The following FGF12 variants were observed in gnomAD, a reference collection of about 807,000 sequenced individuals.
FGF12 encodes the protein fibroblast growth factor 12, also known as fibroblast growth factor 12B.
In FGF12, 14 loss-of-function variants were observed where a neutral mutation model predicts 23.6. The observed-to-expected ratio is 0.59, with a 90% CI of 0.39 to 0.93. The LOEUF (loss-of-function observed/expected upper bound fraction) is 0.93, where lower values mean the gene tolerates loss of function less well. FGF12 is among the 40% of genes least tolerant of loss of function. The pLI is 0.00. For synonymous variants in FGF12, 62 were observed against 77.3 expected (o/e 0.80, Z 1.04); for missense variants, 175 against 217.8 (o/e 0.80, Z 1.24).
At chr3:192,166,658 A>G (rs1177768082) in intron 5 of FGF12, among the ~76,000 whole-genome samples, 1 of 152,238 alleles carries the variant, frequency 6.6e-6, no homozygotes, top group East Asian at 1.9e-4. Flanking sequence ...TACTTCGTAC[A>G]AATGGAATGG....
intron 4 of FGF12, among the ~76,000 whole-genome samples, chr3:192,317,309 G>A (rs1301967387): frequency 6.6e-6 from 1 of 151,132 alleles, no homozygotes; most frequent in African/African-American, 2.4e-5. Context: ...CTTGGCTCCT[G>A]GATGGTATTT....
At position 192,168,363 on chromosome 3, in the gene FGF12, G is replaced by A. The variant is rs531421041; in HGVS notation, c.427+2095C>T. On this transcript the variant is annotated intron_variant, in intron 5 of 5. Coordinates refer to ENST00000445105, the MANE Select transcript of FGF12 (RefSeq NM_004113.6). ...ACCCTTTGCTTAACCCTAAGAAGCA[G>A]GCACTTTCCTGCCTTTATTCACACT... Among the ~76,000 whole-genome samples the A allele has an allele frequency of 5.3e-5, 8 of 152,202 alleles. No homozygotes were observed. In the South Asian group the frequency reaches 1.7e-3, roughly 32 times the overall value.
At chr3:192,233,918 C>T (rs1048737664) in intron 4 of FGF12, among the ~76,000 whole-genome samples, 1 of 152,054 alleles carries the variant, frequency 6.6e-6, no homozygotes, top group Non-Finnish European at 1.5e-5. Flanking sequence ...TGTACCACTA[C>T]CATGCTGTAT....
At chr3:192,204,946 C>T (rs1717572419) in intron 4 of FGF12, among the ~76,000 whole-genome samples, 2 of 152,078 alleles carry the variant, frequency 1.3e-5, no homozygotes, top group African/African-American at 2.4e-5. Flanking sequence ...ATTTGCACTC[C>T]TTGGAAGAAG....
intron 2 of FGF12, among the ~76,000 whole-genome samples, chr3:192,599,752 T>C (rs755035301): frequency 6.6e-6 from 1 of 152,052 alleles, no homozygotes; most frequent in African/African-American, 2.4e-5. Flanking sequence ...GCAGCTGTCA[T>C]TCTAGAGGGA....
intron 2 of FGF12, among the ~76,000 whole-genome samples, chr3:192,423,258 C>T (rs1245174467): frequency 6.6e-6 from 1 of 152,124 alleles, no homozygotes; most frequent in Non-Finnish European, 1.5e-5. Context: ...AGCAATTCTC[C>T]TAGAGCCACT....
chr3:192,668,235 G>T (rs1360700954), intron 2 of FGF12, among the ~76,000 whole-genome samples: 2 of 151,796 alleles, frequency 1.3e-5, no homozygotes, highest in Non-Finnish European at 2.9e-5. Flanking sequence ...ATATAAAATT[G>T]AAAACTGCAT....
chr3:192,507,481 G>A (rs1724350271), intron 2 of FGF12, among the ~76,000 whole-genome samples: 1 of 151,918 alleles, frequency 6.6e-6, no homozygotes, highest in Non-Finnish European at 1.5e-5. Context: ...TTCACCTGGG[G>A]AAGTCTCGGT....
intron 4 of FGF12, among the ~76,000 whole-genome samples, chr3:192,184,597 C>T (rs1716353053): frequency 6.6e-6 from 1 of 152,122 alleles, no homozygotes; most frequent in African/African-American, 2.4e-5. Flanking sequence ...AGGGGAAGGC[C>T]AATCCAACTC....
At chr3:192,211,790 A>G (rs1717944197) in intron 4 of FGF12, among the ~76,000 whole-genome samples, 1 of 152,176 alleles carries the variant, frequency 6.6e-6, no homozygotes. Context: ...ATTTTAAAGA[A>G]GGTATTAGAT....
intron 4 of FGF12, among the ~76,000 whole-genome samples, chr3:192,229,164 T>A (rs1481439559): frequency 7.3e-6 from 1 of 137,272 alleles, no homozygotes; most frequent in South Asian, 2.2e-4. Flanking sequence ...GTGAATAAAA[T>A]TTTAAAAAAA....
chr3:192,333,039 G>T (rs1243591525), intron 4 of FGF12, among the ~76,000 whole-genome samples: 1 of 152,012 alleles, frequency 6.6e-6, no homozygotes, highest in African/African-American at 2.4e-5. Context: ...CATTACAAAA[G>T]AAACTCCCTC....
chr3:192,336,683 C>T lies in FGF12; in HGVS notation c.125-1219G>A, dbSNP rs1479248148. ...TAAAATTCCTATCAGTTCTCGTCTT[C>T]TTAGTTTTTAATACAAGATACACAT... is the stretch of plus-strand genomic sequence containing the variant. On this transcript the variant is annotated intron_variant, in intron 3 of 5. Transcript: ENST00000445105. The surrounding 1 kb of genome is among the most constrained non-coding windows in gnomAD (Gnocchi z 4.3). Among the ~76,000 whole-genome samples the T allele has an allele frequency of 6.6e-6, 1 of 152,082 alleles. No individual in the cohort carries two copies. Among genetic ancestry groups the T allele is most frequent in the Non-Finnish European group, 1.5e-5 (1 of 67,986 alleles).
intron 2 of FGF12, among the ~76,000 whole-genome samples, chr3:192,717,574 A>G (rs1409935667): frequency 6.6e-6 from 1 of 152,172 alleles, no homozygotes; most frequent in South Asian, 2.1e-4. Flanking sequence ...CACCTATTAC[A>G]GTTTTTTTCC....
intron 2 of FGF12, among the ~76,000 whole-genome samples, chr3:192,386,296 A>T (rs1414802117): frequency 1.3e-5 from 2 of 152,232 alleles, no homozygotes; most frequent in Non-Finnish European, 2.9e-5. Context: ...GTGTGTAATT[A>T]TACATGTGTA....
At chr3:192,644,950 T>TA (rs1398347217) in intron 2 of FGF12, among the ~76,000 whole-genome samples, 2 of 152,214 alleles carry the variant, frequency 1.3e-5, no homozygotes, top group East Asian at 1.9e-4. Context: ...GGCAGAATCT[T>TA]AAAAAAATGA....
intron 4 of FGF12, among the ~76,000 whole-genome samples, chr3:192,325,492 C>T (rs1186360040): frequency 1.3e-5 from 2 of 151,556 alleles, no homozygotes; most frequent in African/African-American, 4.8e-5. Context: ...GTTCTTGTTT[C>T]TCTCTCTCTC....
At chr3:192,593,331 C>G (rs982110908) in intron 2 of FGF12, among the ~76,000 whole-genome samples, 2 of 151,808 alleles carry the variant, frequency 1.3e-5, no homozygotes, top group African/African-American at 4.8e-5. Flanking sequence ...CCTCTTCCCT[C>G]ATGATCATAC....
chr3:192,721,725 C>G (rs866377720), intron 2 of FGF12, among the ~76,000 whole-genome samples: 12 of 152,270 alleles, frequency 7.9e-5, no homozygotes, highest in Middle Eastern at 3.4e-3. Flanking sequence ...TAACCTAAAG[C>G]AAGAAACAGG....
Sources: allele counts gnomAD v4.1 joint callset (sites outside exome capture counted in the v4.1 genomes callset), GRCh38; gene constraint gnomAD v4.1.1; non-coding constraint Gnocchi (gnomAD v3.1); transcripts MANE v1.5; gene names NCBI Gene and HGNC (gene_info 2026-07-23, HGNC 2026-07-21).